Variants in ABHD12 observed in about 807,000 individuals in gnomAD.
ABHD12 encodes the protein abhydrolase domain containing 12, lysophospholipase, also known as lysophosphatidylserine lipase ABHD12.
ABHD12 carries 43 observed loss-of-function variants against 58.3 expected under a neutral mutation model. The observed-to-expected ratio is 0.74, with a 90% CI of 0.58 to 0.95. The LOEUF (loss-of-function observed/expected upper bound fraction) is 0.95. Among genes scored for constraint, ABHD12 ranks in the 40% least tolerant of loss-of-function variants. ABHD12 has a pLI of 0.00. For missense variants in ABHD12, 539 were observed against 537.2 expected, an observed-to-expected ratio of 1.00 and a Z score of -0.03; for synonymous variants, 219 against 211.2, an observed-to-expected ratio of 1.04 and a Z score of -0.32.
At chr20:25,322,645 A>G (rs2089101194) in intron 3 of ABHD12, among the ~76,000 whole-genome samples, 1 of 151,624 alleles carries the variant, frequency 6.6e-6, no homozygotes, top group Non-Finnish European at 1.5e-5. Flanking sequence ...TCGGCCTCCC[A>G]AAGTGCTGGG....
chr20:25,343,810 T>C (rs2089485359), intron 1 of ABHD12, among the ~76,000 whole-genome samples: 3 of 151,952 alleles, frequency 2.0e-5, no homozygotes, highest in South Asian at 4.1e-4. Context: ...ATAAAATTAA[T>C]TAAAAAATAA....
intron 1 of ABHD12, among the ~76,000 whole-genome samples, chr20:25,365,446 G>A (rs6083818): frequency 0.54 from 82,205 of 151,898 alleles, 22,817 homozygotes; most frequent in Admixed American, 0.61. Flanking sequence ...CTATTTTACA[G>A]CTCCTAACTG....
chr20:25,332,317 T>A (rs1296041876), intron 2 of ABHD12, among the ~76,000 whole-genome samples: 10 of 151,474 alleles, frequency 6.6e-5, no homozygotes, highest in Non-Finnish European at 1.0e-4. Context: ...AAGTCCTGAG[T>A]GACCTACAAA....
intron 1 of ABHD12, among the ~76,000 whole-genome samples, chr20:25,375,519 C>T (rs1159011232): frequency 6.6e-6 from 1 of 152,138 alleles, no homozygotes; most frequent in South Asian, 2.1e-4. Flanking sequence ...GGTACTCTGT[C>T]CTATAAACTC....
chr20:25,303,149 T>C, intron 11 of ABHD12: 1 of 969,498 alleles, frequency 1.0e-6, no homozygotes, highest in South Asian at 2.1e-5. Flanking sequence ...GCAATGGGCT[T>C]GGGAGATCCT....
At chr20:25,322,381 A>ATATTTTTTTTTTTTT in intron 3 of ABHD12, among the ~76,000 whole-genome samples, 1 of 59,284 alleles carries the variant, frequency 1.7e-5, no homozygotes, top group Non-Finnish European at 3.2e-5. Context: ...ATATATATAT[A>ATATTTTTTTTTTTTT]TTTTTTTTTT....
chr20:25,357,407 CTTG>C (rs2089682694), intron 1 of ABHD12, among the ~76,000 whole-genome samples: 4 of 152,190 alleles, frequency 2.6e-5, no homozygotes. Flanking sequence ...TAGCGTAGCT[CTTG>C]TTGTCAATAC....
chr20:25,303,228 G>A (rs2088669937), intron 11 of ABHD12: 1 of 1,221,410 alleles, frequency 8.2e-7, no homozygotes, highest in East Asian at 5.0e-5. Flanking sequence ...AGGTTGGCCT[G>A]GGCTCTGATA....
chr20:25,346,515 T>C (rs2482927), intron 1 of ABHD12, among the ~76,000 whole-genome samples: 93,923 of 152,092 alleles, frequency 0.62, 30,587 homozygotes, highest in African/African-American at 0.79. Context: ...TTCTAGCAAA[T>C]ATGCCATTGC....
At chr20:25,334,526 G>T (rs2089330172) in intron 2 of ABHD12, among the ~76,000 whole-genome samples, 2 of 152,154 alleles carry the variant, frequency 1.3e-5, no homozygotes, top group Non-Finnish European at 2.9e-5. Flanking sequence ...AACAAAGCTG[G>T]AGGCATCACA....
chr20:25,351,027 T>C (rs555765342), intron 1 of ABHD12, among the ~76,000 whole-genome samples: 10 of 151,588 alleles, frequency 6.6e-5, no homozygotes, highest in Non-Finnish European at 1.2e-4. Flanking sequence ...TAAGCTGGTA[T>C]ATAAACCTTC....
chr20:25,378,912 A>G (rs2089990763), intron 1 of ABHD12, among the ~76,000 whole-genome samples: 1 of 152,148 alleles, frequency 6.6e-6, no homozygotes, highest in South Asian at 2.1e-4. Flanking sequence ...ACATTTTCTT[A>G]TCCGCTAAAC....
intron 1 of ABHD12, among the ~76,000 whole-genome samples, chr20:25,361,139 G>A (rs896421076): frequency 6.6e-6 from 1 of 152,144 alleles, no homozygotes; most frequent in African/African-American, 2.4e-5. Context: ...CCAGTCCCTG[G>A]TCCACACTGA....
In ABHD12 at chr20:25,307,998, G is replaced by T. The variant is rs145964823; in HGVS notation, c.835C>A (p.Arg279Ser). 6.2e-7 allele frequency: 1 copy of T among 1,609,172 alleles called. No individual in the cohort carries two copies. The highest frequency in any genetic ancestry group is 8.5e-7 in the Non-Finnish European group (1 of 1,175,570). Residue 279 changes from arginine (R) to serine (S), a missense_variant, in exon 9 of 13, where the codon CGC becomes AGC. Arg to Ser is a moderately radical substitution (Grantham distance 110). Coordinates refer to ENST00000339157, the MANE Select transcript of ABHD12 (RefSeq NM_001042472.3). The stretch of plus-strand genomic sequence containing the variant: ...AATGGATGGCTCTTAGCTTCTTCGC[G>T]GATATTAGTGAATGGAGATTCCAAT... ...LILESPFTNI[R>S]EEAKSHPFSV...
intron 2 of ABHD12, among the ~76,000 whole-genome samples, chr20:25,334,292 A>T (rs1212207347): frequency 1.3e-5 from 2 of 151,402 alleles, no homozygotes; most frequent in African/African-American, 4.9e-5. Context: ...CCACTACTCA[A>T]GGAAATAAAA....
downstream of ABHD12, chr20:25,295,638 C>T: frequency 6.2e-7 from 1 of 1,614,086 alleles, no homozygotes; most frequent in Non-Finnish European, 8.5e-7. Flanking sequence ...AGCCTACATG[C>T]AGTGCCAGGC....
chr20:25,339,472 A>G, intron 1 of ABHD12, 121 bp from the exon 2 acceptor site: 1 of 1,483,354 alleles, frequency 6.7e-7, no homozygotes, highest in Non-Finnish European at 9.3e-7. Flanking sequence ...CCACAAGGAT[A>G]CTGCCAATAA....
chr20:25,358,880 G>A (rs938445501), intron 1 of ABHD12, among the ~76,000 whole-genome samples: 3 of 152,090 alleles, frequency 2.0e-5, no homozygotes, highest in Non-Finnish European at 2.9e-5. Context: ...TGAAGACCTG[G>A]ATGAAAATCC....
chr20:25,311,858 C>G (rs2088854975), intron 6 of ABHD12, among the ~76,000 whole-genome samples: 1 of 152,154 alleles, frequency 6.6e-6, no homozygotes, highest in Non-Finnish European at 1.5e-5. Context: ...GCACCTGCCA[C>G]CAGGCTCAGC....
Sources: allele counts gnomAD v4.1 joint callset (sites outside exome capture counted in the v4.1 genomes callset), GRCh38; gene constraint gnomAD v4.1.1; transcripts MANE v1.5; gene names NCBI Gene and HGNC (gene_info 2026-07-23, HGNC 2026-07-21).